The following SLC22A14 variants were observed in gnomAD, a reference collection of about 807,000 sequenced individuals.
SLC22A14 encodes solute carrier family 22 member 14.
Under a neutral mutation model 53.9 loss-of-function variants are expected in SLC22A14, and 50 were observed. The observed-to-expected ratio is 0.93, with a 90% CI of 0.74 to 1.17. The LOEUF (loss-of-function observed/expected upper bound fraction) is 1.17. Among genes scored for constraint, SLC22A14 ranks in the 50% most tolerant of loss-of-function variants. The pLI is 0.00. For missense variants in SLC22A14, 671 were observed against 734.7 expected, an observed-to-expected ratio of 0.91 and a Z score of 1.00; for synonymous variants, 312 against 303.0, an observed-to-expected ratio of 1.03 and a Z score of -0.31.
intron 5 of SLC22A14, among the ~76,000 whole-genome samples, chr3:38,312,593 G>A: frequency 6.6e-6 from 1 of 152,186 alleles, no homozygotes; most frequent in Non-Finnish European, 1.5e-5. Flanking sequence ...GACAGATAGG[G>A]AACAGGAGAA....
At chr3:38,282,136 A>T (rs1455288467), upstream of SLC22A14, among the ~76,000 whole-genome samples, 2 of 152,304 alleles carry the variant, frequency 1.3e-5, no homozygotes, top group African/African-American at 4.8e-5. Context: ...AGACAGGGGC[A>T]GGGGGGTTCG....
intron 4 of SLC22A14, 152 bp from the exon 5 acceptor site, chr3:38,308,802 C>T (rs890030307): frequency 2.8e-6 from 2 of 708,336 alleles, no homozygotes; most frequent in Non-Finnish European, 4.9e-6. Flanking sequence ...CTCTGAGGGG[C>T]TGTCTCTGGA....
chr3:38,305,538 C>A (rs943647669), intron 1 of SLC22A14: 3 of 166,750 alleles, frequency 1.8e-5, no homozygotes, highest in Admixed American at 1.1e-4. Flanking sequence ...TGCTGCACTG[C>A]CTCACCACTG....
chr3:38,309,191 G>A, intron 5 of SLC22A14, 69 bp downstream of exon 5: 1 of 1,371,564 alleles, frequency 7.3e-7, no homozygotes, highest in Non-Finnish European at 1.0e-6. Context: ...AGTATGGAGG[G>A]TCCTTGAAGC....
At chr3:38,296,534 G>A (rs59397457) in intron 1 of SLC22A14, among the ~76,000 whole-genome samples, 172 of 152,312 alleles carry the variant, frequency 1.1e-3, no homozygotes, top group African/African-American at 4.0e-3. Context: ...ATCCCTTTGT[G>A]GTTGCCAAAA....
In SLC22A14 at chr3:38,318,386, A is replaced by C; in HGVS notation, c.*137A>C. The C allele has an allele frequency of 1.2e-6, 1 of 808,306 alleles. No homozygotes were observed. Among genetic ancestry groups the C allele is most frequent in the Non-Finnish European group, 2.1e-6 (1 of 474,586 alleles). The allele number at this position is 808,306 out of a possible 1,614,324, so 50.1% of individuals were successfully genotyped here. A position where few individuals can be genotyped will look rare whatever the true frequency, so the allele number is the denominator to read the frequency against. On this transcript the variant is annotated 3_prime_UTR_variant, in exon 11 of 11. Transcript: ENST00000448498. ...TCCCTGAGGGCCAGGCCCCCAGACCATCTTGGGTTGGAATTGAGTGGCCAA... is the reference window on the plus strand; with the variant it reads ...TCCCTGAGGGCCAGGCCCCCAGACCCTCTTGGGTTGGAATTGAGTGGCCAA...
chr3:38,302,737 T>C (rs1451204628), intron 1 of SLC22A14, among the ~76,000 whole-genome samples: 2 of 152,198 alleles, frequency 1.3e-5, no homozygotes, highest in Non-Finnish European at 2.9e-5. Flanking sequence ...GTATTTAGAG[T>C]TTTTTGCATC....
chr3:38,316,071 A>G (rs1281518815), intron 9 of SLC22A14, among the ~76,000 whole-genome samples: 1 of 152,138 alleles, frequency 6.6e-6, no homozygotes, highest in Non-Finnish European at 1.5e-5. Context: ...TGGGAGCACT[A>G]TCTTCCTGCC....
At chr3:38,284,334 C>A (rs1703741171) in intron 1 of SLC22A14, among the ~76,000 whole-genome samples, 1 of 152,164 alleles carries the variant, frequency 6.6e-6, no homozygotes, top group Admixed American at 6.5e-5. Flanking sequence ...CAGGTGAGGA[C>A]CCCATGGGGG....
rs2125895772 is a variant in SLC22A14, at chr3:38,318,070, C to A, written c.1734-128C>A. 8.8e-6 allele frequency: 7 copies of A among 791,690 alleles called. 1 individual carries two copies. Among genetic ancestry groups the A allele is most frequent in the South Asian group, 8.2e-5 (5 of 61,252 alleles). 49.0% of individuals were successfully genotyped at this position (791,690 alleles called of 1,614,324 possible). ...GCTCCTGGCAAAGCTCGGCTGGGGA[C>A]CTGCCGGAGTGAGAAAGCCTCACCT... On this transcript the variant is annotated intron_variant, in intron 10 of 10. Transcript: ENST00000448498.
intron 10 of SLC22A14, among the ~76,000 whole-genome samples, chr3:38,317,177 C>T (rs1205934912): frequency 2.0e-5 from 3 of 152,310 alleles, no homozygotes; most frequent in Non-Finnish European, 2.9e-5. Context: ...AGAGGTTGCC[C>T]GAGGCCCTAG....
At chr3:38,278,847 CCTT>C (rs1456182724), upstream of SLC22A14, among the ~76,000 whole-genome samples, 1 of 138,076 alleles carries the variant, frequency 7.2e-6, no homozygotes, top group Non-Finnish European at 1.5e-5. Flanking sequence ...AAAAAGATGG[CCTT>C]CTTAGATGGG....
At position 38,315,689 on chromosome 3, in the gene SLC22A14, G is replaced by C; in HGVS notation, c.1510G>C (p.Glu504Gln). 2 of 1,613,930 alleles carry C rather than the reference G, an allele frequency of 1.2e-6. No homozygotes were observed. Among genetic ancestry groups the C allele is most frequent in the Non-Finnish European group, 1.7e-6 (2 of 1,180,010 alleles). The change falls in exon 9 of 11, where the codon GAG (glutamate) becomes CAG (glutamine). Residue 504 changes from glutamate (E) to glutamine (Q), a missense_variant. By Grantham distance (29) the Glu-to-Gln change is conservative. Coordinates refer to ENST00000448498, the MANE Select transcript of SLC22A14 (RefSeq NM_001320033.2). ...CACTGTGTTCTTCCTCTACACCGCT[G>C]AGCTCCTCCCCACTGTGCTCAGGTA... ...TVTVFFLYTA[E>Q]LLPTVLRATG... is the part of the protein sequence containing the mutation.
intron 8 of SLC22A14, 151 bp from the exon 9 acceptor site, chr3:38,315,407 A>C (rs1199534992): frequency 1.2e-6 from 1 of 801,656 alleles, no homozygotes; most frequent in African/African-American, 1.7e-5. Flanking sequence ...CCTGCCTTCC[A>C]GCCTGGCTGG....
At chr3:38,294,109 A>T (rs1703972469) in intron 1 of SLC22A14, among the ~76,000 whole-genome samples, 1 of 151,284 alleles carries the variant, frequency 6.6e-6, no homozygotes, top group African/African-American at 2.4e-5. Context: ...AGGGGGCATA[A>T]TAGGGAAATA....
At chr3:38,287,583 A>G (rs1000851796) in intron 1 of SLC22A14, among the ~76,000 whole-genome samples, 31 of 152,158 alleles carry the variant, frequency 2.0e-4, no homozygotes, top group African/African-American at 7.5e-4. Context: ...TCTATTAGCT[A>G]TTTCTATGTT....
At chr3:38,282,655 A>C (rs1703697689) in intron 1 of SLC22A14, among the ~76,000 whole-genome samples, 1 of 152,000 alleles carries the variant, frequency 6.6e-6, no homozygotes, top group African/African-American at 2.4e-5. Context: ...GGGCCTGTCC[A>C]CCTGGCAGAG....
intron 1 of SLC22A14, 178 bp from the exon 2 acceptor site, chr3:38,305,849 G>T: frequency 1.6e-6 from 1 of 644,568 alleles, no homozygotes; most frequent in East Asian, 2.6e-5. Context: ...GGTTGGGCCA[G>T]GGGGGAATAA....
rs375660502 is a variant in SLC22A14, at chr3:38,308,951, C to T, written c.776-3C>T. The T allele has an allele frequency of 5.6e-4, 910 of 1,613,582 alleles. 3 individuals are homozygous for T. Among genetic ancestry groups the T allele is most frequent in the Non-Finnish European group, 5.9e-4 (696 of 1,179,640 alleles). On this transcript the variant is annotated splice_polypyrimidine_tract_variant and splice_region_variant and intron_variant, in intron 4 of 10. Coordinates refer to ENST00000448498, the MANE Select transcript of SLC22A14 (RefSeq NM_001320033.2). ...TGGTTTTGTCCTCTTGGCCTCTGCA[C>T]AGCCACTGAGTGGTTAGTGGGTGAG... is the stretch of plus-strand genomic sequence containing the variant.
Sources: allele counts gnomAD v4.1 joint callset (sites outside exome capture counted in the v4.1 genomes callset), GRCh38; gene constraint gnomAD v4.1.1; transcripts MANE v1.5; gene names NCBI Gene and HGNC (gene_info 2026-07-23, HGNC 2026-07-21).